Variants in NALF1 observed in about 807,000 individuals in gnomAD.
NALF1 encodes the protein NALCN channel auxiliary factor 1.
NALF1 carries 3 observed loss-of-function variants against 48.4 expected under a neutral mutation model. The observed-to-expected ratio is 0.06, with a 90% confidence interval of 0.03 to 0.16. NALF1 has a LOEUF of 0.16. Ranked by LOEUF, NALF1 falls within the 10% of genes least tolerant of loss-of-function variation. NALF1 has a pLI of 1.00. For missense variants in NALF1, 526 were observed against 571.5 expected, an observed-to-expected ratio of 0.92 and a Z score of 0.81; for synonymous variants, 262 against 245.7, an observed-to-expected ratio of 1.07 and a Z score of -0.62.
chr13:107,275,086 C>T (rs1428836949), intron 1 of NALF1, among the ~76,000 whole-genome samples: 2 of 152,196 alleles, frequency 1.3e-5, no homozygotes, highest in African/African-American at 4.8e-5. Context: ...AGAGATGATA[C>T]GTATAAGACA....
At chr13:107,294,944 T>C (rs1478698639) in intron 1 of NALF1, among the ~76,000 whole-genome samples, 1 of 152,196 alleles carries the variant, frequency 6.6e-6, no homozygotes, top group Non-Finnish European at 1.5e-5. Context: ...GAGCTTCTGA[T>C]GGGTTGGAAT....
intron 1 of NALF1, among the ~76,000 whole-genome samples, chr13:107,778,644 C>G (rs1877805108): frequency 6.6e-6 from 1 of 151,930 alleles, no homozygotes; most frequent in African/African-American, 2.4e-5. Context: ...AGTAAACTGC[C>G]TATGTTTAGA....
At chr13:107,751,308 A>C (rs1876931421) in intron 1 of NALF1, among the ~76,000 whole-genome samples, 1 of 152,206 alleles carries the variant, frequency 6.6e-6, no homozygotes, top group Non-Finnish European at 1.5e-5. Context: ...GCACTTATGG[A>C]AACCTTTCTG....
chr13:107,603,406 A>C (rs1017209977), intron 1 of NALF1, among the ~76,000 whole-genome samples: 1 of 152,204 alleles, frequency 6.6e-6, no homozygotes. Flanking sequence ...TAAATATGAG[A>C]GGTTCTTTTT....
At chr13:107,284,917 T>TCG (rs1881463909) in intron 1 of NALF1, among the ~76,000 whole-genome samples, 3 of 146,654 alleles carry the variant, frequency 2.0e-5, no homozygotes, top group African/African-American at 7.5e-5. Context: ...ATTTTTTTTT[T>TCG]AAATGATAGA....
intron 1 of NALF1, among the ~76,000 whole-genome samples, chr13:107,514,421 A>ATATCTATG (rs1555305739): frequency 5.4e-5 from 8 of 148,646 alleles, no homozygotes; most frequent in Admixed American, 4.8e-4. Context: ...AGCTTCTCCT[A>ATATCTATG]TATCTATCTA....
At chr13:107,280,051 C>T (rs542536142) in intron 1 of NALF1, among the ~76,000 whole-genome samples, 152 of 152,270 alleles carry the variant, frequency 1.0e-3, no homozygotes, top group African/African-American at 3.4e-3. Flanking sequence ...CTTGGCCTCC[C>T]AAAGTGCTGG....
Position 107,692,620 on chromosome 13 carries a change from G to T in NALF1, c.915+173062C>A, listed in dbSNP as rs556876024. On this transcript the variant is annotated intron_variant, in intron 1 of 2. Coordinates refer to ENST00000375915, the MANE Select transcript of NALF1 (RefSeq NM_001080396.3). ...TATGTGATTCTTAATTGTTTCTTCT[G>T]GGGTCTCAATCATAATCAAATAAAA... Among the ~76,000 whole-genome samples the T allele has an allele frequency of 3.1e-4, 47 of 152,126 alleles. No individual in the cohort carries two copies. The South Asian group carries it at 9.8e-3, about 32-fold the overall frequency.
intron 1 of NALF1, among the ~76,000 whole-genome samples, chr13:107,462,062 C>G (rs1884927820): frequency 6.6e-6 from 1 of 152,176 alleles, no homozygotes; most frequent in African/African-American, 2.4e-5. Context: ...TGACCCTCAT[C>G]TTCCTAGTAT....
At chr13:107,565,587 G>GCAGTCCCGAGAGTTGAATAA (rs1877789428) in intron 1 of NALF1, among the ~76,000 whole-genome samples, 1 of 152,042 alleles carries the variant, frequency 6.6e-6, no homozygotes, top group Non-Finnish European at 1.5e-5. Flanking sequence ...TCTTTTCTAG[G>GCAGTCCCGAGAGTTGAATAA]CCTGATCTGA....
At chr13:107,763,357 C>A (rs1566472727) in intron 1 of NALF1, among the ~76,000 whole-genome samples, 1 of 151,654 alleles carries the variant, frequency 6.6e-6, no homozygotes, top group Non-Finnish European at 1.5e-5. Flanking sequence ...CCACTTACAG[C>A]CTTAAAATAT....
intron 1 of NALF1, among the ~76,000 whole-genome samples, chr13:107,359,225 C>T (rs557061755): frequency 6.6e-6 from 1 of 152,172 alleles, no homozygotes; most frequent in African/African-American, 2.4e-5. Context: ...TCCTTGAACA[C>T]TCAAACCTAC....
intron 1 of NALF1, among the ~76,000 whole-genome samples, chr13:107,746,911 C>A (rs1215913406): frequency 6.6e-6 from 1 of 152,070 alleles, no homozygotes; most frequent in African/African-American, 2.4e-5. Context: ...GGAATAGAGA[C>A]GTAAATGTAA....
At chr13:107,733,600 G>A (rs1173445059) in intron 1 of NALF1, among the ~76,000 whole-genome samples, 2 of 152,072 alleles carry the variant, frequency 1.3e-5, no homozygotes, top group African/African-American at 2.4e-5. Flanking sequence ...CTAAAAATCA[G>A]AGGCATTTAT....
chr13:107,719,135 C>T (rs1355286389), intron 1 of NALF1, among the ~76,000 whole-genome samples: 1 of 152,138 alleles, frequency 6.6e-6, no homozygotes, highest in Non-Finnish European at 1.5e-5. Context: ...TTCTGTTCAC[C>T]AAAAAGATTC....
intron 1 of NALF1, among the ~76,000 whole-genome samples, chr13:107,242,295 C>T (rs1467263075): frequency 3.3e-5 from 5 of 152,172 alleles, no homozygotes; most frequent in Admixed American, 6.5e-5. Context: ...CCTCACAGTG[C>T]GGCCATAGAA....
At chr13:107,466,082 A>C (rs1884997317) in intron 1 of NALF1, 2 of 152,686 alleles carry the variant, frequency 1.3e-5, no homozygotes, top group African/African-American at 4.8e-5. Flanking sequence ...ACATGGTGGC[A>C]GACAAGAGAA....
At chr13:107,369,721 T>C (rs1883216307) in intron 1 of NALF1, among the ~76,000 whole-genome samples, 2 of 152,148 alleles carry the variant, frequency 1.3e-5, no homozygotes, top group South Asian at 4.1e-4. Context: ...TATACAGTTT[T>C]TAAGAAGAGA....
At chr13:107,490,427 C>T (rs969741315) in intron 1 of NALF1, among the ~76,000 whole-genome samples, 3 of 152,088 alleles carry the variant, frequency 2.0e-5, no homozygotes, top group Non-Finnish European at 2.9e-5. Flanking sequence ...ATGGATGGAG[C>T]TGGAGGCCAT....
Sources: allele counts gnomAD v4.1 joint callset (sites outside exome capture counted in the v4.1 genomes callset), GRCh38; gene constraint gnomAD v4.1.1; transcripts MANE v1.5; gene names NCBI Gene and HGNC (gene_info 2026-07-23, HGNC 2026-07-21).